DNAJC1: variants seen among roughly 807,000 people sequenced by gnomAD.
The protein encoded by DNAJC1 is DnaJ heat shock protein family (Hsp40) member C1.
Under a neutral mutation model 76.6 loss-of-function variants are expected in DNAJC1, and 58 were observed. That is an observed-to-expected ratio of 0.76 (90% confidence interval 0.61 to 0.94). The LOEUF is 0.94. DNAJC1 is among the 40% of genes least tolerant of loss of function. The probability of loss-of-function intolerance (pLI) is 0.00; values close to 1 mark genes in which losing one functional copy is unlikely to be tolerated. For missense variants in DNAJC1, 689 were observed against 677.3 expected, an observed-to-expected ratio of 1.02 and a Z score of -0.19; for synonymous variants, 258 against 267.9, an observed-to-expected ratio of 0.96 and a Z score of 0.36.
intron 8 of DNAJC1, among the ~76,000 whole-genome samples, chr10:21,838,945 C>A (rs930064481): frequency 3.9e-5 from 6 of 152,204 alleles, no homozygotes; most frequent in African/African-American, 1.4e-4. Flanking sequence ...GATTAAGAAA[C>A]TCACTCAAAA....
At chr10:21,960,561 G>T (rs1176330106) in intron 1 of DNAJC1, among the ~76,000 whole-genome samples, 1 of 152,024 alleles carries the variant, frequency 6.6e-6, no homozygotes, top group African/African-American at 2.4e-5. Context: ...AAAAATTACA[G>T]ATATTAGCCA....
intron 8 of DNAJC1, among the ~76,000 whole-genome samples, chr10:21,851,529 T>C (rs1835753623): frequency 6.6e-6 from 1 of 152,182 alleles, no homozygotes; most frequent in East Asian, 1.9e-4. Context: ...CCTCGTATAT[T>C]GCTAGTGAGA....
At chr10:21,930,274 T>C (rs1209931012) in intron 1 of DNAJC1, among the ~76,000 whole-genome samples, 1 of 152,204 alleles carries the variant, frequency 6.6e-6, no homozygotes, top group East Asian at 1.9e-4. Flanking sequence ...CGCGCCTGGC[T>C]GGGGTTTAAA....
rs75417016 is a variant in DNAJC1, at chr10:21,901,409, C to G, written c.820+3113G>C. Among the ~76,000 whole-genome samples the G allele has an allele frequency of 2.1e-3, 317 of 152,160 alleles. 1 individual carries two copies. The highest frequency in any genetic ancestry group is 3.6e-3 in the Non-Finnish European group (245 of 68,000). The stretch of plus-strand genomic sequence containing the variant: ...TCTCTTTTATTAATTTAGAATAAAA[C>G]ATATCATTAGAGAATGTGTAAAAAA... On this transcript the variant is annotated intron_variant, in intron 7 of 11. Transcript: ENST00000376980.
chr10:21,912,677 C>T (rs1005823199), intron 6 of DNAJC1, among the ~76,000 whole-genome samples: 2 of 152,096 alleles, frequency 1.3e-5, no homozygotes, highest in Non-Finnish European at 2.9e-5. Flanking sequence ...GCTGCCTCAT[C>T]CCTTGGAAAA....
At chr10:21,870,287 GA>G (rs1205596721) in intron 8 of DNAJC1, among the ~76,000 whole-genome samples, 1 of 151,902 alleles carries the variant, frequency 6.6e-6, no homozygotes, top group Admixed American at 6.6e-5. Flanking sequence ...AGCAAAACTA[GA>G]AAGAAAACTT....
chr10:21,832,561 A>T (rs1835377048), intron 8 of DNAJC1, among the ~76,000 whole-genome samples: 1 of 152,078 alleles, frequency 6.6e-6, no homozygotes. Context: ...CCAAGTAGGC[A>T]TTTTTACTTC....
intron 8 of DNAJC1, among the ~76,000 whole-genome samples, chr10:21,826,439 AG>A (rs1018985914): frequency 6.6e-6 from 1 of 152,112 alleles, no homozygotes; most frequent in Non-Finnish European, 1.5e-5. Flanking sequence ...TATAGGCATG[AG>A]CCACTGTACC....
intron 8 of DNAJC1, among the ~76,000 whole-genome samples, chr10:21,831,951 T>A (rs2131668967): frequency 6.6e-6 from 1 of 152,124 alleles, no homozygotes; most frequent in East Asian, 1.9e-4. Context: ...GATATATATA[T>A]AAAACTTAGG....
At chr10:21,835,764 G>A (rs900282880) in intron 8 of DNAJC1, among the ~76,000 whole-genome samples, 2 of 152,140 alleles carry the variant, frequency 1.3e-5, no homozygotes, top group African/African-American at 2.4e-5. Context: ...AGCGAGAAGA[G>A]AAGTTTACAT....
intron 9 of DNAJC1, among the ~76,000 whole-genome samples, chr10:21,796,064 G>T (rs1303657065): frequency 2.6e-5 from 4 of 151,458 alleles, no homozygotes; most frequent in African/African-American, 9.7e-5. Context: ...CCACCTCCTG[G>T]GTTCAAGCGA....
intron 6 of DNAJC1, among the ~76,000 whole-genome samples, chr10:21,913,260 G>C (rs1390663254): frequency 6.6e-6 from 1 of 152,056 alleles, no homozygotes; most frequent in Non-Finnish European, 1.5e-5. Flanking sequence ...ATGCTACCGA[G>C]AAATGTAATA....
chr10:21,835,256 A>C (rs947581002), intron 8 of DNAJC1, among the ~76,000 whole-genome samples: 1 of 152,248 alleles, frequency 6.6e-6, no homozygotes, highest in Admixed American at 6.5e-5. Context: ...ACAGACCTGC[A>C]GCTGAGGGTC....
In DNAJC1 at chr10:21,845,059, C is replaced by T. The variant is rs115677276; in HGVS notation, c.978+37223G>A. Among the ~76,000 whole-genome samples the T allele has an allele frequency of 4.6e-3, 693 of 152,238 alleles. 5 individuals carry two copies. Among genetic ancestry groups the T allele is most frequent in the African/African-American group, 0.015 (627 of 41,560 alleles). ...GTCTCAAAAAATTTATATGTGTACA[C>T]ACAGATTTTTAAATTTCCCTACGGT... is the stretch of plus-strand genomic sequence containing the variant. On this transcript the variant is annotated intron_variant, in intron 8 of 11. Coordinates refer to ENST00000376980, the MANE Select transcript of DNAJC1 (RefSeq NM_022365.4).
intron 1 of DNAJC1, among the ~76,000 whole-genome samples, chr10:21,945,082 A>C (rs1405300304): frequency 1.3e-5 from 2 of 152,244 alleles, no homozygotes; most frequent in Non-Finnish European, 2.9e-5. Flanking sequence ...TTGGTATATG[A>C]AGAAAAGTCA....
In DNAJC1 at chr10:21,807,372, T is replaced by C. The variant is rs145182774; in HGVS notation, c.979-1273A>G. Among the ~76,000 whole-genome samples the C allele has an allele frequency of 3.2e-4, 49 of 152,238 alleles. No homozygotes were observed. The East Asian group carries it at 9.1e-3, about 28-fold the overall frequency. On this transcript the variant is annotated intron_variant, in intron 8 of 11. Coordinates refer to ENST00000376980, the MANE Select transcript of DNAJC1 (RefSeq NM_022365.4). ...TTCTCCCACTGTGCTCTAACCACAC[T>C]GACATCCGCCTGCCTCACTGCAAGC...
Position 22,003,388 on chromosome 10 carries a change from T to C in DNAJC1, c.47A>G (p.Gln16Arg). 1 of 1,382,282 alleles carries C rather than the reference T, an allele frequency of 7.2e-7. No individual in the cohort carries two copies. Among genetic ancestry groups the C allele is most frequent in the South Asian group, 1.8e-5 (1 of 55,718 alleles). The allele number at this position is 1,382,282 out of a possible 1,614,324, so 85.6% of individuals were successfully genotyped here. A position where few individuals can be genotyped will look rare whatever the true frequency, so the allele number is the denominator to read the frequency against. ...CGGCGGGAACGGCACCAGCCCGAGC[T>C]GGCGGCGTCCAGGAAGCTGCGCCGG... ...SQPAQLPGRRQLGLVPFPPPP... is the reference protein window; with the variant it reads ...SQPAQLPGRRRLGLVPFPPPP... The change falls in exon 1 of 12, where the codon CAG becomes CGG. Residue 16 changes from glutamine to arginine, a missense_variant. By Grantham distance (43) the Gln-to-Arg change is conservative. Transcript: ENST00000376980.
chr10:21,815,471 T>C (rs902487985), intron 8 of DNAJC1, among the ~76,000 whole-genome samples: 1 of 152,200 alleles, frequency 6.6e-6, no homozygotes, highest in South Asian at 2.1e-4. Flanking sequence ...CTATCAGTAA[T>C]AAACTGTCCT....
intron 1 of DNAJC1, among the ~76,000 whole-genome samples, chr10:21,950,137 G>A (rs889718824): frequency 6.6e-6 from 1 of 151,848 alleles, no homozygotes; most frequent in South Asian, 2.1e-4. Context: ...TACATGTTGC[G>A]GCTATTGTAT....
Sources: allele counts gnomAD v4.1 joint callset (sites outside exome capture counted in the v4.1 genomes callset), GRCh38; gene constraint gnomAD v4.1.1; transcripts MANE v1.5; gene names NCBI Gene and HGNC (gene_info 2026-07-23, HGNC 2026-07-21).